PDE8B: variants seen among roughly 807,000 people sequenced by gnomAD.
PDE8B encodes high affinity cAMP-specific and IBMX-insensitive 3',5'-cyclic phosphodiesterase 8B.
PDE8B carries 26 observed loss-of-function variants against 101.3 expected under a neutral mutation model. The ratio of observed to expected loss-of-function variants is 0.26; its 90% CI spans 0.19 to 0.36. The LOEUF (loss-of-function observed/expected upper bound fraction) is 0.36, where lower values mean the gene tolerates loss of function less well. Among genes scored for constraint, PDE8B ranks in the 10% least tolerant of loss-of-function variants. The probability of loss-of-function intolerance (pLI) is 1.00; values close to 1 mark genes in which losing one functional copy is unlikely to be tolerated. For missense variants in PDE8B, 810 were observed against 1,163.1 expected, an observed-to-expected ratio of 0.70 and a Z score of 4.42; for synonymous variants, 424 against 429.3, an observed-to-expected ratio of 0.99 and a Z score of 0.15.
chr5:77,368,448 A>G (rs1784512873), intron 10 of PDE8B, among the ~76,000 whole-genome samples: 1 of 152,154 alleles, frequency 6.6e-6, no homozygotes, highest in African/African-American at 2.4e-5. Context: ...ATCCCCAGGT[A>G]TACTGCATAT....
chr5:77,308,416 T>A (rs1388772633), intron 1 of PDE8B, among the ~76,000 whole-genome samples: 2 of 152,014 alleles, frequency 1.3e-5, no homozygotes, highest in African/African-American at 4.8e-5. Flanking sequence ...AGGCAAAGGA[T>A]GCAAAGGATG....
At chr5:77,389,573 C>A (rs1338628120) in intron 10 of PDE8B, among the ~76,000 whole-genome samples, 3 of 152,292 alleles carry the variant, frequency 2.0e-5, no homozygotes, top group African/African-American at 7.2e-5. Context: ...AATACTGGAA[C>A]CTTATCCCCA....
chr5:77,132,897 G>C, the PDE8B span, among the ~76,000 whole-genome samples: 10 of 152,202 alleles, frequency 6.6e-5, no homozygotes, highest in African/African-American at 2.2e-4. Context: ...TGATAGTTTA[G>C]ACGGATATGG....
At chr5:77,187,727 G>A in the PDE8B span, among the ~76,000 whole-genome samples, 1 of 152,192 alleles carries the variant, frequency 6.6e-6, no homozygotes, top group Non-Finnish European at 1.5e-5. Flanking sequence ...TGACCCTGGT[G>A]TTGTCTGACT....
At chr5:77,323,611 G>C (rs1403944517) in intron 2 of PDE8B, among the ~76,000 whole-genome samples, 1 of 152,046 alleles carries the variant, frequency 6.6e-6, no homozygotes, top group Non-Finnish European at 1.5e-5. Flanking sequence ...GAGTACGTGA[G>C]TTTCATTATA....
the PDE8B span, among the ~76,000 whole-genome samples, chr5:77,117,064 T>TTCTC: frequency 7.2e-5 from 11 of 152,238 alleles, no homozygotes; most frequent in African/African-American, 2.7e-4. Flanking sequence ...ACACACCCCA[T>TTCTC]TCTCTTTAGT....
chr5:77,268,396 A>T (rs1762151931), intron 1 of PDE8B, among the ~76,000 whole-genome samples: 1 of 152,146 alleles, frequency 6.6e-6, no homozygotes, highest in African/African-American at 2.4e-5. Flanking sequence ...AAATGTAAAT[A>T]CACTGTTGTT....
At chr5:77,119,437 T>A in the PDE8B span, 1 of 151,888 alleles carries the variant, frequency 6.6e-6, no homozygotes, top group African/African-American at 2.4e-5. Context: ...GGCGGGCGGA[T>A]CACGAGGTCA....
rs376013057 is a variant in PDE8B at position 77,408,887 on chromosome 5, C to T, written c.1366-6C>T. 3.3e-5 allele frequency: 53 copies of T among 1,609,410 alleles called. No homozygotes were observed. Among genetic ancestry groups the T allele is most frequent in the Middle Eastern group, 1.6e-4 (1 of 6,080 alleles). On this transcript the variant is annotated splice_region_variant and splice_polypyrimidine_tract_variant and intron_variant, in intron 13 of 21. Coordinates refer to ENST00000264917, the MANE Select transcript of PDE8B (RefSeq NM_003719.5). The stretch of plus-strand genomic sequence containing the variant: ...CCTCAGATGTATTCTTTCTTCACTC[C>T]GTTAGGTTATAAATATAATCAATGC...
chr5:77,249,631 A>G (rs1421164168), intron 1 of PDE8B, among the ~76,000 whole-genome samples: 1 of 152,254 alleles, frequency 6.6e-6, no homozygotes, highest in Non-Finnish European at 1.5e-5. Flanking sequence ...GGATGTCTCA[A>G]AAATGTGTGG....
At chr5:77,378,700 A>G (rs1786843113) in intron 10 of PDE8B, among the ~76,000 whole-genome samples, 1 of 152,142 alleles carries the variant, frequency 6.6e-6, no homozygotes, top group East Asian at 1.9e-4. Flanking sequence ...ACAAAGGCTT[A>G]ATGTGTTAAT....
intron 1 of PDE8B, among the ~76,000 whole-genome samples, chr5:77,241,897 G>GA (rs568453540): frequency 3.3e-5 from 5 of 152,180 alleles, no homozygotes; most frequent in African/African-American, 1.2e-4. Flanking sequence ...AAAGATAGCA[G>GA]AAAAAATCCA....
the PDE8B span, among the ~76,000 whole-genome samples, chr5:77,153,121 T>A: frequency 6.6e-6 from 1 of 152,110 alleles, no homozygotes; most frequent in East Asian, 1.9e-4. Flanking sequence ...CTGAGCATCC[T>A]ACAAAGCATA....
At chr5:77,166,259 ACC>A in the PDE8B span, among the ~76,000 whole-genome samples, 1 of 151,384 alleles carries the variant, frequency 6.6e-6, no homozygotes, top group Non-Finnish European at 1.5e-5. Context: ...AACAAAAAAA[ACC>A]CCACAACCTT....
rs920418862 is a variant in PDE8B at position 77,285,510 on chromosome 5, G to A, written c.340-26484G>A. 2.0e-5 allele frequency among the ~76,000 whole-genome samples: 3 copies of A among 152,074 alleles called. No homozygotes were observed. In the South Asian group the frequency reaches 6.2e-4, roughly 32 times the overall value. On this transcript the variant is annotated intron_variant, in intron 1 of 21. Coordinates refer to ENST00000264917, the MANE Select transcript of PDE8B (RefSeq NM_003719.5). ...ATCATTGTCCCACTGTGTGTATTGT[G>A]TAGTTTTTCTCGGGCCGCTTTTGTC...
intron 12 of PDE8B, among the ~76,000 whole-genome samples, chr5:77,406,554 C>T (rs189038043): frequency 1.2e-3 from 186 of 152,298 alleles, no homozygotes; most frequent in African/African-American, 4.1e-3. Flanking sequence ...ACAGTGGAGG[C>T]TGAAGAGCAT....
the PDE8B span, among the ~76,000 whole-genome samples, chr5:77,137,501 C>T: frequency 3.9e-5 from 6 of 152,154 alleles, no homozygotes; most frequent in South Asian, 4.2e-4. Context: ...TCAAGGTGGA[C>T]GCAGTTTATT....
At chr5:77,217,508 T>C (rs1248885179) in intron 1 of PDE8B, among the ~76,000 whole-genome samples, 1 of 152,194 alleles carries the variant, frequency 6.6e-6, no homozygotes, top group Non-Finnish European at 1.5e-5. Context: ...ACAGTGGAAG[T>C]CTTGGTAGTT....
At chr5:77,364,004 G>A (rs377742216) in intron 10 of PDE8B, among the ~76,000 whole-genome samples, 3 of 152,178 alleles carry the variant, frequency 2.0e-5, no homozygotes, top group Non-Finnish European at 2.9e-5. Context: ...GCCTGTTTAC[G>A]TGATGTGCCA....
Sources: gnomAD v4.1 joint callset for allele counts (sites outside exome capture counted in the v4.1 genomes callset) on GRCh38, gnomAD v4.1.1 for gene constraint, MANE v1.5 for transcripts, NCBI Gene and HGNC (gene_info 2026-07-23, HGNC 2026-07-21) for gene names.